EBF1: variants seen among roughly 807,000 people sequenced by gnomAD.
The protein encoded by EBF1 is EBF transcription factor 1.
A neutral mutation model predicts 68.4 loss-of-function variants in EBF1; 10 were observed. The ratio of observed to expected loss-of-function variants is 0.15; its 90% CI spans 0.09 to 0.25. The LOEUF is 0.25. EBF1 is among the 10% of genes least tolerant of loss of function. The pLI is 1.00. For missense variants in EBF1, 509 were observed against 794.4 expected (o/e 0.64, Z 4.32); for synonymous variants, 298 against 299.8 (o/e 0.99, Z 0.06).
At chr5:158,749,361 T>G (rs144700936) in intron 10 of EBF1, among the ~76,000 whole-genome samples, 234 of 152,296 alleles carry the variant, frequency 1.5e-3, no homozygotes, top group African/African-American at 5.1e-3. Flanking sequence ...CTCTTTAGAT[T>G]TCCTGCTTTT....
rs558171234 is a variant in EBF1 at position 158,727,950 on chromosome 5, A to T, written c.1125+3119T>A. ...TGGTTGTATGAATCTAGCTTTGTCTATTCACAAACACATGGGTTTAATAAA... is the reference window on the plus strand; with the variant it reads ...TGGTTGTATGAATCTAGCTTTGTCTTTTCACAAACACATGGGTTTAATAAA... On this transcript the variant is annotated intron_variant, in intron 11 of 15. Transcript: ENST00000313708. 7.2e-5 allele frequency among the ~76,000 whole-genome samples: 11 copies of T among 152,310 alleles called. No individual in the cohort carries two copies. In the East Asian group the frequency reaches 2.1e-3, roughly 29 times the overall value.
intron 6 of EBF1, among the ~76,000 whole-genome samples, chr5:158,936,159 G>A (rs1811976884): frequency 6.6e-6 from 1 of 152,118 alleles, no homozygotes; most frequent in Non-Finnish European, 1.5e-5. Flanking sequence ...TTTTTGCCAA[G>A]ACCAGCAAAG....
At chr5:158,880,389 G>A (rs1216914013) in intron 6 of EBF1, among the ~76,000 whole-genome samples, 3 of 152,208 alleles carry the variant, frequency 2.0e-5, no homozygotes, top group East Asian at 1.9e-4. Flanking sequence ...TTGGAAATGC[G>A]GAAGAAAGAA....
chr5:159,076,886 G>A (rs1363108717), intron 5 of EBF1, among the ~76,000 whole-genome samples: 1 of 152,210 alleles, frequency 6.6e-6, no homozygotes, highest in Non-Finnish European at 1.5e-5. Context: ...ACATACATGT[G>A]TATATGGAAT....
chr5:158,863,398 C>G (rs1190092554), intron 6 of EBF1, among the ~76,000 whole-genome samples: 1 of 152,208 alleles, frequency 6.6e-6, no homozygotes, highest in East Asian at 1.9e-4. Flanking sequence ...TGCCACTTAC[C>G]AATCTCCCCG....
intron 11 of EBF1, among the ~76,000 whole-genome samples, chr5:158,726,549 C>G (rs542002443): frequency 2.0e-5 from 3 of 152,236 alleles, no homozygotes; most frequent in Non-Finnish European, 4.4e-5. Flanking sequence ...ATTTTCAGCT[C>G]CATAAAGCAA....
chr5:159,041,475 T>C (rs1771191297), intron 6 of EBF1, among the ~76,000 whole-genome samples: 1 of 152,258 alleles, frequency 6.6e-6, no homozygotes. Context: ...GTGGTTATTT[T>C]ATGTATTTCA....
At chr5:158,993,210 C>A (rs1290358444) in intron 6 of EBF1, among the ~76,000 whole-genome samples, 2 of 151,988 alleles carry the variant, frequency 1.3e-5, no homozygotes, top group East Asian at 3.9e-4. Flanking sequence ...CTACACCCAG[C>A]TAATTTTTTT....
intron 6 of EBF1, among the ~76,000 whole-genome samples, chr5:159,059,048 TACTC>T (rs1775307168): frequency 6.6e-6 from 1 of 152,182 alleles, no homozygotes; most frequent in Non-Finnish European, 1.5e-5. Context: ...TCAAACAACT[TACTC>T]CTAATTTCTA....
intron 6 of EBF1, among the ~76,000 whole-genome samples, chr5:158,967,315 T>C (rs573783867): frequency 6.6e-6 from 1 of 152,294 alleles, no homozygotes; most frequent in South Asian, 2.1e-4. Context: ...TAAACTAAAA[T>C]ACAAGTTTCA....
intron 6 of EBF1, among the ~76,000 whole-genome samples, chr5:159,007,012 C>T (rs1326309148): frequency 6.6e-6 from 1 of 152,114 alleles, no homozygotes; most frequent in Non-Finnish European, 1.5e-5. Flanking sequence ...AGAAATGTAC[C>T]GTTGGTGGGG....
intron 6 of EBF1, among the ~76,000 whole-genome samples, chr5:159,040,339 T>C (rs1770935181): frequency 6.6e-6 from 1 of 152,192 alleles, no homozygotes; most frequent in Admixed American, 6.5e-5. Flanking sequence ...AAGCACTATC[T>C]ACTTTACATC....
intron 10 of EBF1, among the ~76,000 whole-genome samples, chr5:158,761,309 G>A (rs1392232772): frequency 1.3e-5 from 2 of 152,192 alleles, no homozygotes; most frequent in Non-Finnish European, 2.9e-5. Flanking sequence ...CTCATATCCT[G>A]TTCTGCTGTC....
intron 6 of EBF1, among the ~76,000 whole-genome samples, chr5:159,053,810 G>C (rs1774264391): frequency 6.6e-6 from 1 of 152,194 alleles, no homozygotes; most frequent in African/African-American, 2.4e-5. Flanking sequence ...GCATTGCATG[G>C]CAAAAATAAA....
chr5:158,855,639 G>A (rs1216171739), intron 6 of EBF1, among the ~76,000 whole-genome samples: 7 of 152,054 alleles, frequency 4.6e-5, no homozygotes, highest in African/African-American at 7.2e-5. Context: ...CCCCATCATC[G>A]TCATACCCAG....
intron 9 of EBF1, among the ~76,000 whole-genome samples, chr5:158,791,625 C>A (rs1214199733): frequency 2.0e-5 from 3 of 151,684 alleles, no homozygotes; most frequent in Non-Finnish European, 4.4e-5. Context: ...TGTATAAATT[C>A]TGTGATAAAA....
chr5:158,903,434 G>C (rs1803880509), intron 6 of EBF1, among the ~76,000 whole-genome samples: 1 of 151,944 alleles, frequency 6.6e-6, no homozygotes, highest in South Asian at 2.1e-4. Context: ...CTTCTCTCTG[G>C]CTTCTCCTAA....
At chr5:158,857,174 C>A (rs368515107) in intron 6 of EBF1, among the ~76,000 whole-genome samples, 1 of 151,668 alleles carries the variant, frequency 6.6e-6, no homozygotes, top group African/African-American at 2.4e-5. Flanking sequence ...CCTCAGCACC[C>A]CTTCTGCTTG....
intron 6 of EBF1, among the ~76,000 whole-genome samples, chr5:158,856,088 T>C (rs1469902915): frequency 6.6e-6 from 1 of 152,238 alleles, no homozygotes; most frequent in Non-Finnish European, 1.5e-5. Context: ...TATAGCAGGC[T>C]ACAACAGAGA....
Sources: allele counts gnomAD v4.1 joint callset (sites outside exome capture counted in the v4.1 genomes callset), GRCh38; gene constraint gnomAD v4.1.1; transcripts MANE v1.5; gene names NCBI Gene and HGNC (gene_info 2026-07-23, HGNC 2026-07-21).